Variants in LRRC7 observed in about 807,000 individuals in gnomAD.
The protein encoded by LRRC7 is leucine-rich repeat-containing protein 7.
In LRRC7, 23 loss-of-function variants were observed where a neutral mutation model predicts 175.7. That is an observed-to-expected ratio of 0.13 (90% CI 0.09 to 0.19). LRRC7 has a LOEUF of 0.19. Among genes scored for constraint, LRRC7 ranks in the 10% least tolerant of loss-of-function variants. The pLI is 1.00. For synonymous variants in LRRC7, 685 were observed against 680.9 expected (o/e 1.01, Z -0.09); for missense variants, 1,354 against 1,904.7 (o/e 0.71, Z 5.38).
chr1:70,082,780 C>CGTT (rs1558054101), intron 24 of LRRC7, among the ~76,000 whole-genome samples: 1 of 3,150 alleles, frequency 3.2e-4, no homozygotes, highest in African/African-American at 7.6e-4. Context: ...GATACCAGTA[C>CGTT]ATTTTTTTTT....
rs1675642953 is a variant in LRRC7, at chr1:69,795,594, A to G, written c.421+3434A>G. Among the ~76,000 whole-genome samples, 3 of 152,318 alleles carry G rather than the reference A, an allele frequency of 2.0e-5. No individual in the cohort carries two copies. In the East Asian group the frequency reaches 5.8e-4, roughly 29 times the overall value. ...CAGTATTGGTATTTAGGGACAGGAC[A>G]TAATAGACTATTTTGAAACAGAGAC... On this transcript the variant is annotated intron_variant, in intron 4 of 26. Coordinates refer to ENST00000651989, the MANE Select transcript of LRRC7 (RefSeq NM_001370785.2).
chr1:69,585,080 T>A (rs1646354510), intron 1 of LRRC7, among the ~76,000 whole-genome samples: 1 of 152,172 alleles, frequency 6.6e-6, no homozygotes, highest in Non-Finnish European at 1.5e-5. Flanking sequence ...TGATACACAG[T>A]TATATCTTCC....
intron 2 of LRRC7, among the ~76,000 whole-genome samples, chr1:69,699,649 T>C (rs568308022): frequency 6.6e-6 from 1 of 152,328 alleles, no homozygotes; most frequent in East Asian, 1.9e-4. Context: ...AGAAATTCAA[T>C]ATGTGTCTCC....
intron 1 of LRRC7, among the ~76,000 whole-genome samples, chr1:69,660,446 A>G (rs1417283513): frequency 6.6e-6 from 1 of 152,112 alleles, no homozygotes; most frequent in Non-Finnish European, 1.5e-5. Flanking sequence ...ACACCTCAAC[A>G]ATGAATTCGG....
chr1:70,111,503 C>T (rs1665524972), intron 26 of LRRC7, among the ~76,000 whole-genome samples: 1 of 152,042 alleles, frequency 6.6e-6, no homozygotes, highest in Admixed American at 6.6e-5. Context: ...TAAAAATATG[C>T]TAGAATAAGC....
At chr1:69,577,110 A>G (rs145966330) in intron 1 of LRRC7, among the ~76,000 whole-genome samples, 69 of 152,300 alleles carry the variant, frequency 4.5e-4, no homozygotes, top group African/African-American at 1.6e-3. Context: ...GTAGACATCA[A>G]TGTGGGACGT....
intron 3 of LRRC7, among the ~76,000 whole-genome samples, chr1:69,781,006 GAAACT>G (rs1340354980): frequency 6.6e-6 from 1 of 152,140 alleles, no homozygotes; most frequent in Non-Finnish European, 1.5e-5. Flanking sequence ...TTTTTTCTAA[GAAACT>G]AAACTATGTT....
chr1:69,588,428 A>G (rs929673310), intron 1 of LRRC7, among the ~76,000 whole-genome samples: 2 of 152,208 alleles, frequency 1.3e-5, no homozygotes, highest in Non-Finnish European at 2.9e-5. Context: ...TATCAGGTAT[A>G]ATGTGAGCAG....
intron 23 of LRRC7, among the ~76,000 whole-genome samples, chr1:70,064,439 G>C (rs1011288386): frequency 6.6e-5 from 10 of 151,784 alleles, no homozygotes; most frequent in Admixed American, 1.3e-4. Context: ...AGCGATACAG[G>C]ATTGGAATCC....
intron 2 of LRRC7, among the ~76,000 whole-genome samples, chr1:69,707,853 G>A (rs1570442013): frequency 6.6e-6 from 1 of 152,132 alleles, no homozygotes; most frequent in East Asian, 1.9e-4. Flanking sequence ...GTGAGATGCA[G>A]ATTTCATTTT....
chr1:69,769,874 CAGTT>C (rs966599782), intron 3 of LRRC7, among the ~76,000 whole-genome samples: 1 of 152,046 alleles, frequency 6.6e-6, no homozygotes, highest in African/African-American at 2.4e-5. Context: ...ACAGTTGTGT[CAGTT>C]AGTTTTTTTT....
At chr1:69,853,398 C>T (rs1220852313) in intron 7 of LRRC7, among the ~76,000 whole-genome samples, 4 of 150,300 alleles carry the variant, frequency 2.7e-5, no homozygotes, top group African/African-American at 9.8e-5. Flanking sequence ...CCTGCGTCAG[C>T]CTCCCGAGTA....
At chr1:69,644,976 C>T (rs535665085) in intron 1 of LRRC7, among the ~76,000 whole-genome samples, 2 of 152,046 alleles carry the variant, frequency 1.3e-5, no homozygotes, top group Non-Finnish European at 2.9e-5. Context: ...AAATTTCCTC[C>T]ATTTAATAAG....
At chr1:69,964,483 G>T (rs1306941601) in intron 8 of LRRC7, among the ~76,000 whole-genome samples, 1 of 152,172 alleles carries the variant, frequency 6.6e-6, no homozygotes, top group Non-Finnish European at 1.5e-5. Context: ...GGACAGTCAT[G>T]AAGAGTCTAC....
chr1:69,699,324 A>T (rs1436117412), intron 2 of LRRC7, among the ~76,000 whole-genome samples: 3 of 151,966 alleles, frequency 2.0e-5, no homozygotes, highest in African/African-American at 7.2e-5. Context: ...GGTGGATCAC[A>T]AGGTCAATAG....
At chr1:69,867,628 A>C (rs1441554578) in intron 7 of LRRC7, among the ~76,000 whole-genome samples, 1 of 152,182 alleles carries the variant, frequency 6.6e-6, no homozygotes, top group Non-Finnish European at 1.5e-5. Flanking sequence ...AACCAATTTA[A>C]ATCAATGGCA....
At chr1:69,753,296 ATGTGTG>A (rs35799015) in intron 2 of LRRC7, among the ~76,000 whole-genome samples, 3 of 146,236 alleles carry the variant, frequency 2.1e-5, no homozygotes, top group African/African-American at 5.2e-5. Flanking sequence ...GTGTGTGTGT[ATGTGTG>A]TGTGTGTGTG....
intron 1 of LRRC7, among the ~76,000 whole-genome samples, chr1:69,668,287 C>A (rs1027139394): frequency 6.6e-6 from 1 of 151,776 alleles, no homozygotes; most frequent in Admixed American, 6.6e-5. Context: ...TAATGCTATC[C>A]CTCCCCTAGC....
chr1:69,874,991 AT>A (rs1212606559), intron 7 of LRRC7: 7 of 152,088 alleles, frequency 4.6e-5, no homozygotes, highest in African/African-American at 7.2e-5. Flanking sequence ...AAAATAAAAA[AT>A]GTAAATTCCT....
Sources: allele counts gnomAD v4.1 joint callset (sites outside exome capture counted in the v4.1 genomes callset), GRCh38; gene constraint gnomAD v4.1.1; transcripts MANE v1.5; gene names NCBI Gene and HGNC (gene_info 2026-07-23, HGNC 2026-07-21).